Variants in NELL1 observed in about 807,000 individuals in gnomAD.
NELL1 encodes protein kinase C-binding protein NELL1.
NELL1 carries 76 observed loss-of-function variants against 107.4 expected under a neutral mutation model. The ratio of observed to expected loss-of-function variants is 0.71; its 90% CI spans 0.59 to 0.86. The LOEUF (loss-of-function observed/expected upper bound fraction) is 0.86. Among genes scored for constraint, NELL1 ranks in the 40% least tolerant of loss-of-function variants. NELL1 has a pLI of 0.00. For synonymous variants in NELL1, 353 were observed against 341.2 expected (o/e 1.03, Z -0.38); for missense variants, 1,024 against 1,005.5 (o/e 1.02, Z -0.25).
chr11:21,551,278 C>A (rs543791071), intron 16 of NELL1, among the ~76,000 whole-genome samples: 1 of 152,150 alleles, frequency 6.6e-6, no homozygotes, highest in South Asian at 2.1e-4. Flanking sequence ...ACAATCATGT[C>A]ATCTGCAAAC....
chr11:21,077,258 T>C (rs1219543517), intron 12 of NELL1, among the ~76,000 whole-genome samples: 2 of 152,156 alleles, frequency 1.3e-5, no homozygotes, highest in Non-Finnish European at 2.9e-5. Context: ...CATACTCTTG[T>C]AAATGATGCT....
intron 3 of NELL1, among the ~76,000 whole-genome samples, chr11:20,836,735 G>A (rs1181697250): frequency 6.6e-6 from 1 of 151,506 alleles, no homozygotes; most frequent in East Asian, 1.9e-4. Context: ...TGACACTCTG[G>A]AAAAAGCCAA....
chr11:21,259,452 T>C (rs892693963), intron 14 of NELL1, among the ~76,000 whole-genome samples: 8 of 151,862 alleles, frequency 5.3e-5, no homozygotes, highest in African/African-American at 1.9e-4. Flanking sequence ...AGTAAAGTTA[T>C]GGAAATACAA....
intron 15 of NELL1, among the ~76,000 whole-genome samples, chr11:21,444,244 A>T (rs1590936889): frequency 6.6e-6 from 1 of 152,306 alleles, no homozygotes; most frequent in South Asian, 2.1e-4. Context: ...ACAGAAGGAT[A>T]ATTGGGCTGA....
intron 12 of NELL1, among the ~76,000 whole-genome samples, chr11:21,066,330 T>G (rs2134370854): frequency 6.6e-6 from 1 of 152,358 alleles, no homozygotes; most frequent in Admixed American, 6.5e-5. Context: ...CATGGATAGT[T>G]GCCTGTGATA....
chr11:21,131,076 TG>T (rs11320885), intron 13 of NELL1, among the ~76,000 whole-genome samples: 152,268 of 152,268 alleles, frequency 1, 76,134 homozygotes, highest in Non-Finnish European at 1. Flanking sequence ...GCTGATGTGG[TG>T]GGGGGAGATG....
Position 21,040,420 on chromosome 11 carries a change from A to G in NELL1, c.1301-73169A>G, listed in dbSNP as rs189051245. Among the ~76,000 whole-genome samples, 8 of 152,290 alleles carry G rather than the reference A, an allele frequency of 5.3e-5. No individual in the cohort carries two copies. The East Asian group carries it at 1.5e-3, about 29-fold the overall frequency. On this transcript the variant is annotated intron_variant, in intron 12 of 19. Transcript: ENST00000357134. ...ATTGCTGTATTAATTAAGTAGTTGT[A>G]TGCAAATGTATTATCGTGCATCAAA...
chr11:20,994,344 T>G (rs1852043487), intron 12 of NELL1, among the ~76,000 whole-genome samples: 2 of 152,248 alleles, frequency 1.3e-5, no homozygotes, highest in African/African-American at 4.8e-5. Flanking sequence ...AGAAATTTGA[T>G]GAATCTTATG....
At chr11:21,171,418 AAAAT>A (rs1396736864) in intron 13 of NELL1, among the ~76,000 whole-genome samples, 1 of 151,894 alleles carries the variant, frequency 6.6e-6, no homozygotes, top group Non-Finnish European at 1.5e-5. Context: ...GTCTATGCAC[AAAAT>A]AAACATGTCT....
At chr11:21,181,928 T>G (rs902721690) in intron 13 of NELL1, among the ~76,000 whole-genome samples, 4 of 151,956 alleles carry the variant, frequency 2.6e-5, no homozygotes, top group Admixed American at 1.3e-4. Context: ...TTCTGTAGAT[T>G]TGGCATTATT....
At chr11:21,403,670 A>C (rs1482656805) in intron 15 of NELL1, among the ~76,000 whole-genome samples, 1 of 151,740 alleles carries the variant, frequency 6.6e-6, no homozygotes, top group Non-Finnish European at 1.5e-5. Context: ...AACAGCAGTA[A>C]TAGATAATTC....
At chr11:20,733,966 A>G (rs1855704627) in intron 2 of NELL1, among the ~76,000 whole-genome samples, 1 of 152,208 alleles carries the variant, frequency 6.6e-6, no homozygotes, top group Admixed American at 6.5e-5. Context: ...GAAGTAAAAT[A>G]AAGGAAAGCA....
intron 16 of NELL1, among the ~76,000 whole-genome samples, chr11:21,546,703 C>A (rs144624457): frequency 0.016 from 2,385 of 152,112 alleles, 55 homozygotes; most frequent in African/African-American, 0.054. Flanking sequence ...GTCAATTAAA[C>A]CTCTTTTCTT....
In NELL1 at chr11:21,573,240, C is replaced by T. The variant is rs762855921; in HGVS notation, c.2213C>T (p.Thr738Ile). The change falls in exon 19 of 20, where the codon ACA (threonine) becomes ATA (isoleucine). Residue 738 changes from threonine to isoleucine, a missense_variant. By Grantham distance (89) the Thr-to-Ile change is moderately conservative. Coordinates refer to ENST00000357134, the MANE Select transcript of NELL1 (RefSeq NM_006157.5). ...TGCCCCAACTTGAGCTGTGAGTATACAGCTATCTTAGAAGGGGAATGTTGT... is the reference window on the plus strand; with the variant it reads ...TGCCCCAACTTGAGCTGTGAGTATATAGCTATCTTAGAAGGGGAATGTTGT... ...LTCPNLSCEYTAILEGECCPR... is the reference protein window; with the variant it reads ...LTCPNLSCEYIAILEGECCPR... The T allele has an allele frequency of 1.1e-5, 17 of 1,612,254 alleles. No individual in the cohort carries two copies. In the South Asian group the frequency reaches 1.4e-4, roughly 14 times the overall value.
rs1468033429 is a variant in NELL1 at position 20,669,717 on chromosome 11, G to A, written c.-7G>A. The A allele has an allele frequency of 1.9e-6, 3 of 1,613,372 alleles. No homozygotes were observed. The highest frequency in any genetic ancestry group is 2.2e-5 in the South Asian group (2 of 91,016). On this transcript the variant is annotated 5_prime_UTR_variant, in exon 1 of 20. Coordinates refer to ENST00000357134, the MANE Select transcript of NELL1 (RefSeq NM_006157.5). The surrounding 1 kb of genome is among the most constrained non-coding windows in gnomAD (Gnocchi z 4.4). Reference sequence around the variant, plus strand: ...TGCCCCCTGCTAGGCGGGGACCCTCGAGAGCGATGCCGATGGATTTGATTT... The same window carrying A: ...TGCCCCCTGCTAGGCGGGGACCCTCAAGAGCGATGCCGATGGATTTGATTT...
intron 2 of NELL1, among the ~76,000 whole-genome samples, chr11:20,742,005 C>T (rs955310796): frequency 2.0e-5 from 3 of 152,228 alleles, no homozygotes; most frequent in African/African-American, 7.2e-5. Flanking sequence ...ACTGATGCTG[C>T]AGGTCTATGG....
At chr11:21,264,860 T>A (rs184904220) in intron 14 of NELL1, among the ~76,000 whole-genome samples, 346 of 152,046 alleles carry the variant, frequency 2.3e-3, no homozygotes, top group African/African-American at 8.0e-3. Flanking sequence ...ATTCTCTTGC[T>A]TTATCCTATT....
intron 12 of NELL1, among the ~76,000 whole-genome samples, chr11:21,060,790 C>T (rs1412608502): frequency 6.6e-6 from 1 of 152,222 alleles, no homozygotes; most frequent in African/African-American, 2.4e-5. Context: ...CAACCTTCGC[C>T]TCCCAGGTTC....
chr11:20,908,697 A>T (rs1257942448), intron 5 of NELL1, among the ~76,000 whole-genome samples: 2 of 152,204 alleles, frequency 1.3e-5, no homozygotes, highest in East Asian at 3.9e-4. Flanking sequence ...AATAAAATTT[A>T]AAGTAAAAAT....
Sources: allele counts gnomAD v4.1 joint callset (sites outside exome capture counted in the v4.1 genomes callset), GRCh38; gene constraint gnomAD v4.1.1; non-coding constraint Gnocchi (gnomAD v3.1); transcripts MANE v1.5; gene names NCBI Gene and HGNC (gene_info 2026-07-23, HGNC 2026-07-21).